The following ABL2 variants were observed in gnomAD, a reference collection of about 807,000 sequenced individuals.
ABL2 encodes ABL proto-oncogene 2, non-receptor tyrosine kinase, also known as tyrosine-protein kinase ABL2.
In ABL2, 49 loss-of-function variants were observed where a neutral mutation model predicts 107.7. The ratio of observed to expected loss-of-function variants is 0.45; its 90% CI spans 0.36 to 0.58. The LOEUF is 0.58. Ranked by LOEUF, ABL2 falls within the 20% of genes least tolerant of loss-of-function variation. ABL2 has a pLI of 0.00. For synonymous variants in ABL2, 549 were observed against 548.6 expected (o/e 1.00, Z -0.01); for missense variants, 1,245 against 1,457.0 (o/e 0.85, Z 2.37).
chr1:179,138,921 C>T (rs1043848150), intron 1 of ABL2, among the ~76,000 whole-genome samples: 4 of 152,308 alleles, frequency 2.6e-5, no homozygotes, highest in Admixed American at 6.5e-5. Context: ...GCTTGGCGGG[C>T]CCCGCACTCA....
At chr1:179,152,321 G>A (rs1221392945) in intron 1 of ABL2, among the ~76,000 whole-genome samples, 2 of 152,122 alleles carry the variant, frequency 1.3e-5, no homozygotes, top group Admixed American at 1.3e-4. Flanking sequence ...TCCTTTGGTG[G>A]TCTCACACAC....
At chr1:179,147,043 CAG>C (rs1658031070) in intron 1 of ABL2, among the ~76,000 whole-genome samples, 1 of 151,224 alleles carries the variant, frequency 6.6e-6, no homozygotes, top group South Asian at 2.1e-4. Context: ...GCCCACATGA[CAG>C]AGCCAGACCC....
chr1:179,164,511 T>C (rs1659267629), intron 1 of ABL2, among the ~76,000 whole-genome samples: 1 of 152,202 alleles, frequency 6.6e-6, no homozygotes, highest in Admixed American at 6.5e-5. Flanking sequence ...TTGCCTATGT[T>C]ATTTAGGCAA....
intron 1 of ABL2, among the ~76,000 whole-genome samples, chr1:179,135,696 G>C (rs1163395676): frequency 3.4e-5 from 5 of 145,152 alleles, no homozygotes; most frequent in East Asian, 2.1e-4. Flanking sequence ...CGGGAGGTGA[G>C]GGGTGCCTCT....
rs1353442192 is a variant in ABL2, at chr1:179,109,158, G to A, written c.2109C>T (p.Phe703=). 6.2e-7 allele frequency: 1 copy of A among 1,613,640 alleles called. No individual in the cohort carries two copies. The highest frequency in any genetic ancestry group is 2.2e-5 in the East Asian group (1 of 44,834). Reference sequence around the variant, plus strand: ...GATTCGCCTCTTGCTGGGCAGGAGTGAAAGAGAACCCATCAGCATGCTGTA... The same window carrying A: ...GATTCGCCTCTTGCTGGGCAGGAGTAAAAGAGAACCCATCAGCATGCTGTA... ...ASLQHADGFS[F]TPAQQEANLV... is the part of the protein sequence containing the mutation. Residue 703 remains phenylalanine (F), a synonymous_variant, in exon 12 of 12, where the codon TTC becomes TTT. Transcript: ENST00000502732.
At chr1:179,223,893 C>A (rs1663020759) in intron 1 of ABL2, among the ~76,000 whole-genome samples, 1 of 145,950 alleles carries the variant, frequency 6.9e-6, no homozygotes, top group Non-Finnish European at 1.5e-5. Flanking sequence ...TTTGGGAGGG[C>A]AAGGCAGGCA....
chr1:179,137,542 T>G (rs1056972960), intron 1 of ABL2, among the ~76,000 whole-genome samples: 1 of 152,162 alleles, frequency 6.6e-6, no homozygotes, highest in African/African-American at 2.4e-5. Flanking sequence ...AAGTTCCCCT[T>G]GTTTGAAATT....
chr1:179,141,072 G>C (rs1657538585), intron 1 of ABL2, among the ~76,000 whole-genome samples: 1 of 141,404 alleles, frequency 7.1e-6, no homozygotes, highest in Non-Finnish European at 1.5e-5. Flanking sequence ...ACTGAGATCA[G>C]ACTGCTGCAC....
intron 1 of ABL2, among the ~76,000 whole-genome samples, chr1:179,212,932 G>A (rs536130793): frequency 6.6e-6 from 1 of 151,034 alleles, no homozygotes; most frequent in Middle Eastern, 3.4e-3. Flanking sequence ...TGTAATCTCA[G>A]CTACTTGGGA....
chr1:179,194,626 C>A (rs944884378), intron 1 of ABL2, among the ~76,000 whole-genome samples: 1 of 152,172 alleles, frequency 6.6e-6, no homozygotes, highest in Non-Finnish European at 1.5e-5. Flanking sequence ...AATACAAGGG[C>A]TCCAGCTAGC....
chr1:179,186,826 T>C (rs1237361714), intron 1 of ABL2, among the ~76,000 whole-genome samples: 1 of 151,930 alleles, frequency 6.6e-6, no homozygotes, highest in Non-Finnish European at 1.5e-5. Context: ...AACCTCCACC[T>C]CCCAGGTTCA....
chr1:179,191,451 G>T (rs1019986334), intron 1 of ABL2, among the ~76,000 whole-genome samples: 1 of 98,144 alleles, frequency 1.0e-5, no homozygotes, highest in Non-Finnish European at 1.9e-5. Flanking sequence ...ACGGAGTTTC[G>T]CTCTTATTGC....
At chr1:179,152,958 G>C (rs1478301083) in intron 1 of ABL2, among the ~76,000 whole-genome samples, 1 of 152,046 alleles carries the variant, frequency 6.6e-6, no homozygotes, top group African/African-American at 2.4e-5. Context: ...GTAACACCCA[G>C]ATATCAAAGA....
chr1:179,184,597 GA>G, intron 1 of ABL2: 1 of 546,058 alleles, frequency 1.8e-6, no homozygotes, highest in East Asian at 3.4e-5. Context: ...GGAGGAAGAG[GA>G]AGGATTAGAA....
Position 179,147,181 on chromosome 1 carries a change from C to CAAAAAAAAAAAAAAAAAAAAAAAAAAAAA in ABL2, c.158-13808_158-13807insTTTTTTTTTTTTTTTTTTTTTTTTTTTTT, listed in dbSNP as rs58297805. Among the ~76,000 whole-genome samples the CAAAAAAAAAAAAAAAAAAAAAAAAAAAAA allele has an allele frequency of 3.8e-4, 19 of 50,526 alleles. 4 individuals carry two copies. Among genetic ancestry groups the CAAAAAAAAAAAAAAAAAAAAAAAAAAAAA allele is most frequent in the African/African-American group, 9.8e-4 (13 of 13,232 alleles). 33.1% of individuals were successfully genotyped at this position (50,526 alleles called of 152,430 possible). A position where few individuals can be genotyped will look rare whatever the true frequency, so the allele number is the denominator to read the frequency against. ...CCAATCACTAATCATCAGAGAAATG[C>CAAAAAAAAAAAAAAAAAAAAAAAAAAAAA]AAAAAAAAAAAAAAAAAAAAAAAAA... is the stretch of plus-strand genomic sequence containing the variant. On this transcript the variant is annotated intron_variant, in intron 1 of 11. Coordinates refer to ENST00000502732, the MANE Select transcript of ABL2 (RefSeq NM_007314.4).
intron 1 of ABL2, among the ~76,000 whole-genome samples, chr1:179,137,539 C>T (rs1031151318): frequency 2.6e-5 from 4 of 151,894 alleles, no homozygotes; most frequent in African/African-American, 4.8e-5. Context: ...GAAAAGTTCC[C>T]CTTGTTTGAA....
In ABL2 at chr1:179,126,303, C is replaced by G; in HGVS notation, c.687+74G>C. 1 of 1,465,526 alleles carries G rather than the reference C, an allele frequency of 6.8e-7. No individual in the cohort carries two copies. The highest frequency in any genetic ancestry group is 9.3e-7 in the Non-Finnish European group (1 of 1,075,308). 90.8% of individuals were successfully genotyped at this position (1,465,526 alleles called of 1,614,324 possible). On this transcript the variant is annotated intron_variant, in intron 4 of 11. Transcript: ENST00000502732. This position sits in a 1 kb window ranked among gnomAD's most constrained non-coding sequence, Gnocchi z 4.4. ...ACGTCAGACATAAAATCTATTATTT[C>G]ACTTCAATCACGTTGAATATTATTT...
intron 1 of ABL2, chr1:179,201,687 T>C (rs1179350433): frequency 1.6e-6 from 1 of 608,804 alleles, no homozygotes; most frequent in Non-Finnish European, 3.0e-6. Context: ...TGAAGAGTTG[T>C]CTTTCTTGAC....
In ABL2 at chr1:179,105,543, T is replaced by C. The variant is rs554730743; in HGVS notation, c.*2175A>G. On this transcript the variant is annotated 3_prime_UTR_variant, in exon 12 of 12. Coordinates refer to ENST00000502732, the MANE Select transcript of ABL2 (RefSeq NM_007314.4). ...GGGAGAAGGACCGCTGGTTTTTACA[T>C]CTGAGTTCTCTTCCAACCACTAGGA... is the stretch of plus-strand genomic sequence containing the variant. 3.5e-5 allele frequency: 8 copies of C among 229,348 alleles called. No homozygotes were observed. The highest frequency in any genetic ancestry group is 1.5e-4 in the African/African-American group (7 of 45,200). The allele number at this position is 229,348 out of a possible 1,614,324, so 14.2% of individuals were successfully genotyped here. A position where few individuals can be genotyped will look rare whatever the true frequency, so the allele number is the denominator to read the frequency against.
Sources: allele counts gnomAD v4.1 joint callset (sites outside exome capture counted in the v4.1 genomes callset), GRCh38; gene constraint gnomAD v4.1.1; non-coding constraint Gnocchi (gnomAD v3.1); transcripts MANE v1.5; gene names NCBI Gene and HGNC (gene_info 2026-07-23, HGNC 2026-07-21).